The following NXPE2 variants were observed in gnomAD, a reference collection of about 807,000 sequenced individuals.
NXPE2 encodes neurexophilin and PC-esterase domain family member 2, also known as NXPE family member 2.
A neutral mutation model predicts 34.4 loss-of-function variants in NXPE2; 34 were observed. The ratio of observed to expected loss-of-function variants is 0.99; its 90% confidence interval spans 0.75 to 1.31. NXPE2 has a LOEUF of 1.31. Ranked by LOEUF, NXPE2 falls within the 40% of genes most tolerant of loss-of-function variation. NXPE2 has a pLI of 0.00. For synonymous variants in NXPE2, 235 were observed against 231.3 expected (o/e 1.02, Z -0.15); for missense variants, 649 against 672.5 (o/e 0.97, Z 0.39).
chr11:114,620,748 A>G, the NXPE2 span, among the ~76,000 whole-genome samples: 1 of 152,014 alleles, frequency 6.6e-6, no homozygotes, highest in Admixed American at 6.6e-5. Flanking sequence ...CCGATGTATA[A>G]TAAGTATTGC....
chr11:114,652,509 T>C, the NXPE2 span, among the ~76,000 whole-genome samples: 1 of 152,228 alleles, frequency 6.6e-6, no homozygotes, highest in South Asian at 2.1e-4. Context: ...AGGATTATGA[T>C]GGAATTCATC....
the NXPE2 span, among the ~76,000 whole-genome samples, chr11:114,468,356 G>A: frequency 2.6e-5 from 4 of 152,092 alleles, no homozygotes; most frequent in Non-Finnish European, 4.4e-5. Context: ...GGTAAGTATG[G>A]CCACATCAAG....
the NXPE2 span, among the ~76,000 whole-genome samples, chr11:114,811,506 A>G: frequency 1.3e-3 from 199 of 152,274 alleles, no homozygotes; most frequent in Non-Finnish European, 2.0e-3. Flanking sequence ...CTAGGGGAAA[A>G]GAATGGTGAG....
chr11:114,505,541 T>C, the NXPE2 span, among the ~76,000 whole-genome samples: 7 of 152,240 alleles, frequency 4.6e-5, no homozygotes, highest in African/African-American at 1.4e-4. Context: ...GCTGAAACCC[T>C]ACAAGCCAGA....
chr11:114,679,796 G>A (rs1950918329), intron 2 of NXPE2, 34 bp downstream of exon 2: 2 of 1,321,974 alleles, frequency 1.5e-6, no homozygotes, highest in Non-Finnish European at 2.1e-6. Flanking sequence ...TTTCACAGAA[G>A]GTCACGGTGA....
At chr11:114,766,111 T>C in the NXPE2 span, among the ~76,000 whole-genome samples, 2 of 152,182 alleles carry the variant, frequency 1.3e-5, no homozygotes, top group Non-Finnish European at 2.9e-5. Flanking sequence ...GATATTTTAT[T>C]CTTCTTCATT....
At chr11:114,745,353 A>G in the NXPE2 span, among the ~76,000 whole-genome samples, 1 of 152,342 alleles carries the variant, frequency 6.6e-6, no homozygotes, top group South Asian at 2.1e-4. Context: ...GGCCAGATTG[A>G]AAAGCAAGAA....
At chr11:114,669,100 A>G in the NXPE2 span, among the ~76,000 whole-genome samples, 1 of 152,058 alleles carries the variant, frequency 6.6e-6, no homozygotes, top group Non-Finnish European at 1.5e-5. Flanking sequence ...TTCAAAAACA[A>G]TAGAAATCAA....
At chr11:114,495,740 A>AGGACTAGGTCTT in the NXPE2 span, among the ~76,000 whole-genome samples, 1 of 152,240 alleles carries the variant, frequency 6.6e-6, no homozygotes, top group Admixed American at 6.5e-5. Context: ...GAATTTCACC[A>AGGACTAGGTCTT]GGACTAGGTC....
At chr11:114,535,084 T>C in the NXPE2 span, among the ~76,000 whole-genome samples, 35,469 of 151,806 alleles carry the variant, frequency 0.23, 5,890 homozygotes, top group African/African-American at 0.47. Context: ...GCTGATCTCT[T>C]GCCAGAAACT....
chr11:114,608,777 C>T, the NXPE2 span, among the ~76,000 whole-genome samples: 4 of 150,430 alleles, frequency 2.7e-5, no homozygotes, highest in African/African-American at 9.8e-5. Context: ...TCATGGATAA[C>T]CACGGTTACC....
the NXPE2 span, among the ~76,000 whole-genome samples, chr11:114,567,409 G>T: frequency 1.3e-5 from 2 of 151,922 alleles, no homozygotes; most frequent in African/African-American, 4.8e-5. Context: ...ACCCGCTCTA[G>T]CCTGGGAAAA....
chr11:114,652,238 G>T, the NXPE2 span, among the ~76,000 whole-genome samples: 1 of 152,202 alleles, frequency 6.6e-6, no homozygotes, highest in African/African-American at 2.4e-5. Flanking sequence ...TGAATTTGGT[G>T]CATGAAAAAG....
the NXPE2 span, among the ~76,000 whole-genome samples, chr11:114,607,034 G>C: frequency 6.6e-6 from 1 of 151,998 alleles, no homozygotes; most frequent in South Asian, 2.1e-4. Flanking sequence ...CGGTTACCCA[G>C]TGGATAATAA....
chr11:114,605,000 A>G, the NXPE2 span, among the ~76,000 whole-genome samples: 1 of 151,530 alleles, frequency 6.6e-6, no homozygotes, highest in Non-Finnish European at 1.5e-5. Context: ...GATAATAAGC[A>G]TTGCCTCACA....
chr11:114,722,307 C>A, the NXPE2 span, among the ~76,000 whole-genome samples: 8 of 152,114 alleles, frequency 5.3e-5, no homozygotes, highest in Non-Finnish European at 1.0e-4. Flanking sequence ...CCCCTTCTCA[C>A]TCTCTCTTGG....
At chr11:114,626,798 A>G in the NXPE2 span, among the ~76,000 whole-genome samples, 2 of 152,158 alleles carry the variant, frequency 1.3e-5, no homozygotes, top group Admixed American at 1.3e-4. Flanking sequence ...GTATAACTAG[A>G]ATAACCAATA....
At chr11:114,604,123 C>T in the NXPE2 span, among the ~76,000 whole-genome samples, 1 of 152,006 alleles carries the variant, frequency 6.6e-6, no homozygotes, top group Admixed American at 6.6e-5. Context: ...TAAGTATTGC[C>T]TCATAGGTAA....
the NXPE2 span, among the ~76,000 whole-genome samples, chr11:114,471,042 C>G: frequency 6.6e-6 from 1 of 152,198 alleles, no homozygotes; most frequent in South Asian, 2.1e-4. Flanking sequence ...TTCTAGTCCT[C>G]TCTAAGATTT....
Sources: allele counts gnomAD v4.1 joint callset (sites outside exome capture counted in the v4.1 genomes callset), GRCh38; gene constraint gnomAD v4.1.1; transcripts MANE v1.5; gene names NCBI Gene and HGNC (gene_info 2026-07-23, HGNC 2026-07-21).